KLF12: variants seen among roughly 807,000 people sequenced by gnomAD.
The protein encoded by KLF12 is KLF transcription factor 12, also known as Krueppel-like factor 12.
In KLF12, 9 loss-of-function variants were observed where a neutral mutation model predicts 37.8. The observed-to-expected ratio is 0.24, with a 90% confidence interval of 0.14 to 0.42. KLF12 has a LOEUF of 0.42. Ranked by LOEUF, KLF12 falls within the 10% of genes least tolerant of loss-of-function variation. KLF12 has a pLI of 1.00. For synonymous variants in KLF12, 208 were observed against 202.1 expected (o/e 1.03, Z -0.25); for missense variants, 411 against 516.0 (o/e 0.80, Z 1.97).
rs377008857 is a variant in KLF12, at chr13:73,721,001, C to G, written c.870-5476G>C. Among the ~76,000 whole-genome samples, 21 of 152,328 alleles carry G rather than the reference C, an allele frequency of 1.4e-4. No homozygotes were observed. The East Asian group carries it at 4.0e-3, about 29-fold the overall frequency. ...AATTGAAGGAGCTTTAGTAAATTCA[C>G]ACACGCAATCACAACAGAATTCCAA... is the stretch of plus-strand genomic sequence containing the variant. On this transcript the variant is annotated intron_variant, in intron 6 of 7. Coordinates refer to ENST00000377669, the MANE Select transcript of KLF12 (RefSeq NM_007249.5).
intron 3 of KLF12, among the ~76,000 whole-genome samples, chr13:73,923,018 C>A (rs1284964629): frequency 1.3e-5 from 2 of 152,174 alleles, no homozygotes; most frequent in African/African-American, 4.8e-5. Flanking sequence ...TTATTCTGTA[C>A]AAAAGATGTG....
At chr13:73,888,630 A>C (rs1184477150) in intron 3 of KLF12, among the ~76,000 whole-genome samples, 1 of 152,234 alleles carries the variant, frequency 6.6e-6, no homozygotes, top group East Asian at 1.9e-4. Flanking sequence ...ATCCAAAAAA[A>C]TAAGAAAAAG....
intron 4 of KLF12, among the ~76,000 whole-genome samples, chr13:73,822,220 A>C (rs1490737540): frequency 6.6e-6 from 1 of 152,348 alleles, no homozygotes. Context: ...GAAAAGTCAC[A>C]ATCATTAAAT....
chr13:73,772,275 T>C (rs980880418), intron 5 of KLF12, among the ~76,000 whole-genome samples: 17 of 152,230 alleles, frequency 1.1e-4, no homozygotes, highest in African/African-American at 4.1e-4. Context: ...CAGGCTCCTA[T>C]GTGCTATGAA....
intron 3 of KLF12, among the ~76,000 whole-genome samples, chr13:73,857,651 T>C (rs1046261967): frequency 5.9e-5 from 9 of 152,192 alleles, no homozygotes; most frequent in African/African-American, 1.9e-4. Context: ...AAGATGTCTA[T>C]ATGGATGCGT....
chr13:73,891,543 G>T (rs1187961805), intron 3 of KLF12, among the ~76,000 whole-genome samples: 1 of 152,062 alleles, frequency 6.6e-6, no homozygotes, highest in Non-Finnish European at 1.5e-5. Context: ...CAAGAATCAT[G>T]GAAAACAACA....
At chr13:73,848,735 A>C (rs1885160032) in intron 3 of KLF12, among the ~76,000 whole-genome samples, 1 of 152,048 alleles carries the variant, frequency 6.6e-6, no homozygotes, top group Admixed American at 6.6e-5. Context: ...GCATGAGCTC[A>C]AACCAGAATA....
rs192013884 is a variant in KLF12, at chr13:74,100,522, A to G, written c.-32+33217T>C. ...AATCCCAGCTACTTGGGAGGCTGAG[A>G]CAAGAGAATCAGTTGAACCCAGGAG... is the stretch of plus-strand genomic sequence containing the variant. On this transcript the variant is annotated intron_variant, in intron 1 of 7. Coordinates refer to ENST00000377669, the MANE Select transcript of KLF12 (RefSeq NM_007249.5). Among the ~76,000 whole-genome samples the G allele has an allele frequency of 3.1e-3, 476 of 152,138 alleles. 2 individuals carry two copies. Among genetic ancestry groups the G allele is most frequent in the African/African-American group, 0.011 (453 of 41,532 alleles).
chr13:74,265,150 C>G, the KLF12 span, among the ~76,000 whole-genome samples: 1 of 152,076 alleles, frequency 6.6e-6, no homozygotes, highest in Non-Finnish European at 1.5e-5. Context: ...CTAGTATCTA[C>G]AAAAATGTGA....
chr13:73,738,118 TATATATACAC>T (rs1354493782), intron 6 of KLF12, among the ~76,000 whole-genome samples: 9 of 65,282 alleles, frequency 1.4e-4, no homozygotes, highest in East Asian at 5.0e-4. Flanking sequence ...TATATATATA[TATATATACAC>T]ACACACACAT....
At chr13:73,896,093 T>C (rs1243343731) in intron 3 of KLF12, among the ~76,000 whole-genome samples, 2 of 152,130 alleles carry the variant, frequency 1.3e-5, no homozygotes, top group East Asian at 3.9e-4. Flanking sequence ...AGTTCTGGGA[T>C]AGAAATCACC....
At chr13:73,855,431 T>C (rs1345415530) in intron 3 of KLF12, among the ~76,000 whole-genome samples, 1 of 151,786 alleles carries the variant, frequency 6.6e-6, no homozygotes, top group African/African-American at 2.4e-5. Flanking sequence ...CGTTTTTGTG[T>C]GTGTGTGTGG....
At chr13:73,834,564 G>A (rs1181896971) in intron 4 of KLF12, among the ~76,000 whole-genome samples, 1 of 152,208 alleles carries the variant, frequency 6.6e-6, no homozygotes, top group Non-Finnish European at 1.5e-5. Context: ...ACGCCAGGGT[G>A]CAGTGGTATG....
Position 73,692,684 on chromosome 13 carries a change from G to C in KLF12, c.*2806C>G, listed in dbSNP as rs1216146854. On this transcript the variant is annotated 3_prime_UTR_variant, in exon 8 of 8. Coordinates refer to ENST00000377669, the MANE Select transcript of KLF12 (RefSeq NM_007249.5). Reference sequence around the variant, plus strand: ...TCCTTTCCATGGGGAAATACTTTTAGAAAACTCACCAAGGAGAATTTGCCA... The same window carrying C: ...TCCTTTCCATGGGGAAATACTTTTACAAAACTCACCAAGGAGAATTTGCCA... 1.3e-5 allele frequency: 2 copies of C among 152,572 alleles called. No homozygotes were observed. Among genetic ancestry groups the C allele is most frequent in the Non-Finnish European group, 2.9e-5 (2 of 68,036 alleles). The allele number at this position is 152,572 out of a possible 1,614,324, so 9.5% of individuals were successfully genotyped here.
the KLF12 span, among the ~76,000 whole-genome samples, chr13:74,191,256 G>A: frequency 6.6e-6 from 1 of 152,154 alleles, no homozygotes; most frequent in Non-Finnish European, 1.5e-5. Context: ...TCTGTGGCAC[G>A]CAGGTGGCTG....
intron 1 of KLF12, among the ~76,000 whole-genome samples, chr13:74,000,576 T>C (rs1046830812): frequency 1.1e-4 from 16 of 152,314 alleles, no homozygotes; most frequent in African/African-American, 3.4e-4. Flanking sequence ...CTACTTAAAA[T>C]AGCAGATACT....
At chr13:74,032,773 C>G (rs897447338) in intron 1 of KLF12, among the ~76,000 whole-genome samples, 3 of 152,180 alleles carry the variant, frequency 2.0e-5, no homozygotes, top group Non-Finnish European at 4.4e-5. Flanking sequence ...AATTCTACAT[C>G]TTATACTTCT....
rs569948789 is a variant in KLF12 at position 74,132,821 on chromosome 13, C to T, written c.-32+918G>A. On this transcript the variant is annotated intron_variant, in intron 1 of 7. Transcript: ENST00000377669. ...CTGTTGAGTGCACCCCACCCTTTTCCCCAAAGATAAAAGTTTTCAAAGTTC... is the reference window on the plus strand; with the variant it reads ...CTGTTGAGTGCACCCCACCCTTTTCTCCAAAGATAAAAGTTTTCAAAGTTC... Among the ~76,000 whole-genome samples the T allele has an allele frequency of 2.6e-5, 4 of 152,128 alleles. No homozygotes were observed. The South Asian group carries it at 8.3e-4, about 32-fold the overall frequency.
chr13:73,847,749 A>C (rs926800808), intron 3 of KLF12, among the ~76,000 whole-genome samples: 1 of 152,202 alleles, frequency 6.6e-6, no homozygotes, highest in Non-Finnish European at 1.5e-5. Context: ...ATGAAATTCT[A>C]AATGACAAGA....
Sources: gnomAD v4.1 joint callset for allele counts (sites outside exome capture counted in the v4.1 genomes callset) on GRCh38, gnomAD v4.1.1 for gene constraint, MANE v1.5 for transcripts, NCBI Gene and HGNC (gene_info 2026-07-23, HGNC 2026-07-21) for gene names.